NT5C2: variants seen among roughly 807,000 people sequenced by gnomAD.
NT5C2 encodes 5'-nucleotidase, cytosolic II, also known as cytosolic purine 5'-nucleotidase.
A neutral mutation model predicts 76.1 loss-of-function variants in NT5C2; 58 were observed. That is an observed-to-expected ratio of 0.76 (90% confidence interval 0.62 to 0.95). The LOEUF (loss-of-function observed/expected upper bound fraction) is 0.95, where lower values mean the gene tolerates loss of function less well. Among genes scored for constraint, NT5C2 ranks in the 40% least tolerant of loss-of-function variants. The pLI is 0.00. For missense variants in NT5C2, 478 were observed against 690.3 expected, an observed-to-expected ratio of 0.69 and a Z score of 3.45; for synonymous variants, 229 against 237.4, an observed-to-expected ratio of 0.96 and a Z score of 0.32.
chr10:103,119,746 G>A (rs935935381), intron 4 of NT5C2, among the ~76,000 whole-genome samples: 13 of 152,048 alleles, frequency 8.5e-5, no homozygotes, highest in African/African-American at 1.2e-4. Flanking sequence ...GAGTTTCATC[G>A]TTCTTTAAGA....
At chr10:103,097,967 TC>T in intron 10 of NT5C2, 1 of 507,508 alleles carries the variant, frequency 2.0e-6, no homozygotes. Context: ...TCCCGGACCC[TC>T]CCCATTCAGT....
chr10:103,142,112 T>C (rs1019084349), intron 3 of NT5C2, among the ~76,000 whole-genome samples: 2 of 152,084 alleles, frequency 1.3e-5, no homozygotes, highest in Non-Finnish European at 2.9e-5. Flanking sequence ...GTTTTGCTTC[T>C]GTTTGTTTTC....
At chr10:103,123,975 C>T (rs1003482822) in intron 4 of NT5C2, among the ~76,000 whole-genome samples, 1 of 152,184 alleles carries the variant, frequency 6.6e-6, no homozygotes, top group Non-Finnish European at 1.5e-5. Context: ...TAAATATTAA[C>T]AACTCATCCC....
intron 4 of NT5C2, among the ~76,000 whole-genome samples, chr10:103,132,722 G>C (rs540218515): frequency 6.4e-4 from 97 of 152,104 alleles, no homozygotes; most frequent in African/African-American, 2.3e-3. Flanking sequence ...GCTAATTTTT[G>C]TATTTTTTTA....
At chr10:103,116,742 ATT>A (rs767356183) in intron 4 of NT5C2, among the ~76,000 whole-genome samples, 7 of 141,900 alleles carry the variant, frequency 4.9e-5, no homozygotes, top group Non-Finnish European at 7.7e-5. Flanking sequence ...CACCTGGCTA[ATT>A]TTTTTTTTTT....
At chr10:103,107,938 T>TG (rs2071789707) in intron 4 of NT5C2, among the ~76,000 whole-genome samples, 2 of 152,166 alleles carry the variant, frequency 1.3e-5, no homozygotes, top group Admixed American at 1.3e-4. Context: ...GCGGATCACT[T>TG]GAGGTCAGGA....
At chr10:103,191,394 AAAAAGAGAG>A (rs1329687707) in intron 1 of NT5C2, among the ~76,000 whole-genome samples, 1 of 133,836 alleles carries the variant, frequency 7.5e-6, no homozygotes, top group Non-Finnish European at 1.6e-5. Flanking sequence ...AAAAAAAAAA[AAAAAGAGAG>A]AGAGAGGAAA....
intron 4 of NT5C2, among the ~76,000 whole-genome samples, chr10:103,127,832 A>C (rs1438202482): frequency 6.6e-6 from 1 of 152,106 alleles, no homozygotes; most frequent in Non-Finnish European, 1.5e-5. Flanking sequence ...CTGGGATTAC[A>C]GGCGTGAGCC....
intron 12 of NT5C2, among the ~76,000 whole-genome samples, chr10:103,094,807 A>G (rs1263156274): frequency 3.3e-5 from 5 of 149,628 alleles, no homozygotes; most frequent in Non-Finnish European, 7.4e-5. Context: ...GCTTGAACCT[A>G]GGAGGGGGAG....
At chr10:103,104,379 C>A (rs1363726162) in intron 6 of NT5C2, among the ~76,000 whole-genome samples, 1 of 152,212 alleles carries the variant, frequency 6.6e-6, no homozygotes, top group East Asian at 1.9e-4. Flanking sequence ...CTGCCTACCC[C>A]TCCCTTATAA....
chr10:103,094,880 CAA>C (rs35752695), intron 12 of NT5C2, among the ~76,000 whole-genome samples: 3 of 136,744 alleles, frequency 2.2e-5, no homozygotes, highest in Admixed American at 7.3e-5. Flanking sequence ...GACTCCATCT[CAA>C]AAAAAAAAAA....
chr10:103,134,447 G>T (rs895809265), intron 4 of NT5C2, among the ~76,000 whole-genome samples: 1 of 152,242 alleles, frequency 6.6e-6, no homozygotes, highest in Non-Finnish European at 1.5e-5. Context: ...CTTCCATGTG[G>T]TGTTGAGCCT....
chr10:103,105,685 C>A lies in NT5C2; in HGVS notation c.389+21G>T, dbSNP rs777391978. ...GTTTGACTTTAACATTAGAAAGAGG[C>A]TAAAGGTTCTCTGTACTCACCCCCT... On this transcript the variant is annotated intron_variant, in intron 6 of 18. Transcript: ENST00000404739. The A allele has an allele frequency of 7.4e-6, 11 of 1,484,408 alleles. No homozygotes were observed. In the Admixed American group the frequency reaches 1.0e-4, roughly 14 times the overall value. 92.0% of individuals were successfully genotyped at this position (1,484,408 alleles called of 1,614,324 possible).
Position 103,193,231 on chromosome 10 carries a change from C to G in NT5C2, c.-169+5G>C, listed in dbSNP as rs2092788456. The G allele has an allele frequency of 6.6e-6, 1 of 152,476 alleles. No homozygotes were observed. The highest frequency in any genetic ancestry group is 1.8e-4 in the South Asian group (1 of 5,636). The allele number at this position is 152,476 out of a possible 1,614,324, so 9.4% of individuals were successfully genotyped here. A position where few individuals can be genotyped will look rare whatever the true frequency, so the allele number is the denominator to read the frequency against. ...CCGCCCGCCCACGGGGCCCGCCGCA[C>G]TCACCGGCTCCAGCGCACCGCAACA... On this transcript the variant is annotated splice_donor_5th_base_variant and intron_variant, in intron 1 of 18. Transcript: ENST00000404739.
rs980127084 is a variant in NT5C2 at position 103,193,237 on chromosome 10, G to C, written c.-170C>G. The C allele has an allele frequency of 5.3e-5, 8 of 151,266 alleles. No homozygotes were observed. The highest frequency in any genetic ancestry group is 1.2e-4 in the African/African-American group (5 of 41,120). 9.4% of individuals were successfully genotyped at this position (151,266 alleles called of 1,614,324 possible). A position where few individuals can be genotyped will look rare whatever the true frequency, so the allele number is the denominator to read the frequency against. ...GCCCACGGGGCCCGCCGCACTCACCGGCTCCAGCGCACCGCAACAATCCCA... is the reference window on the plus strand; with the variant it reads ...GCCCACGGGGCCCGCCGCACTCACCCGCTCCAGCGCACCGCAACAATCCCA... On this transcript the variant is annotated splice_region_variant and 5_prime_UTR_variant, in exon 1 of 19. Coordinates refer to ENST00000404739, the MANE Select transcript of NT5C2 (RefSeq NM_001351169.2).
intron 1 of NT5C2, among the ~76,000 whole-genome samples, chr10:103,185,804 C>T (rs764986580): frequency 2.6e-5 from 4 of 151,954 alleles, no homozygotes; most frequent in African/African-American, 7.3e-5. Context: ...AAGATAAAAT[C>T]GGAAAGGCAT....
At chr10:103,139,759 C>G (rs1442051744) in intron 3 of NT5C2, among the ~76,000 whole-genome samples, 1 of 152,126 alleles carries the variant, frequency 6.6e-6, no homozygotes, top group African/African-American at 2.4e-5. Context: ...TATTGTGGTA[C>G]AAGTACTTAA....
Position 103,143,602 on chromosome 10 carries a change from ATTTTTTTTTTTTTTTTTT to A in NT5C2, c.102-4141_102-4124del, listed in dbSNP as rs67395221. On this transcript the variant is annotated intron_variant, in intron 3 of 18. Coordinates refer to ENST00000404739, the MANE Select transcript of NT5C2 (RefSeq NM_001351169.2). ...CAGGTACGCACCACCATGTCCAGCT[ATTTTTTTTTTTTTTTTTT>A]TTTTTTTTTTTTGTAGAGATGGCCT... Among the ~76,000 whole-genome samples, 30 of 53,866 alleles carry A rather than the reference ATTTTTTTTTTTTTTTTTT, an allele frequency of 5.6e-4. 1 individual carries two copies. Among genetic ancestry groups the A allele is most frequent in the Admixed American group, 2.5e-3 (10 of 3,974 alleles). 35.3% of individuals were successfully genotyped at this position (53,866 alleles called of 152,430 possible).
chr10:103,090,864 T>C (rs2066615019), intron 17 of NT5C2, 72 bp downstream of exon 17: 1 of 1,595,988 alleles, frequency 6.3e-7, no homozygotes, highest in Non-Finnish European at 8.6e-7. Flanking sequence ...CTAGTCTCTA[T>C]AATAAATCAG....
Sources: allele counts gnomAD v4.1 joint callset (sites outside exome capture counted in the v4.1 genomes callset), GRCh38; gene constraint gnomAD v4.1.1; transcripts MANE v1.5; gene names NCBI Gene and HGNC (gene_info 2026-07-23, HGNC 2026-07-21).